Variants in ZNF385B observed in about 807,000 individuals in gnomAD.
The protein encoded by ZNF385B is zinc finger protein 385B.
ZNF385B carries 23 observed loss-of-function variants against 39.2 expected under a neutral mutation model. That is an observed-to-expected ratio of 0.59 (90% confidence interval 0.42 to 0.83). The LOEUF (loss-of-function observed/expected upper bound fraction) is 0.83, where lower values mean the gene tolerates loss of function less well. ZNF385B is among the 40% of genes least tolerant of loss of function. The pLI is 0.00. For synonymous variants in ZNF385B, 205 were observed against 222.6 expected, an observed-to-expected ratio of 0.92 and a Z score of 0.70; for missense variants, 552 against 598.9, an observed-to-expected ratio of 0.92 and a Z score of 0.82.
At chr2:179,692,205 G>A (rs1283395822) in intron 3 of ZNF385B, among the ~76,000 whole-genome samples, 2 of 152,076 alleles carry the variant, frequency 1.3e-5, no homozygotes, top group African/African-American at 2.4e-5. Context: ...ATCTCCAAGT[G>A]CTGAAGGGGT....
intron 1 of ZNF385B, among the ~76,000 whole-genome samples, chr2:179,804,536 A>C (rs1016092799): frequency 2.0e-5 from 3 of 152,190 alleles, no homozygotes; most frequent in Non-Finnish European, 4.4e-5. Flanking sequence ...CCTGTGTTCA[A>C]ATTTAACTCT....
chr2:179,448,667 T>C (rs186175230), intron 6 of ZNF385B, among the ~76,000 whole-genome samples: 11 of 152,268 alleles, frequency 7.2e-5, no homozygotes, highest in Non-Finnish European at 1.6e-4. Flanking sequence ...ATCTTAAAGA[T>C]GAGGAAACTG....
At chr2:179,839,805 G>T (rs1276282002) in intron 1 of ZNF385B, among the ~76,000 whole-genome samples, 1 of 152,148 alleles carries the variant, frequency 6.6e-6, no homozygotes, top group Non-Finnish European at 1.5e-5. Context: ...ACTCAAACCT[G>T]GAGAAGAGAA....
intron 1 of ZNF385B, among the ~76,000 whole-genome samples, chr2:179,837,738 TA>T: frequency 6.6e-6 from 1 of 152,354 alleles, no homozygotes; most frequent in South Asian, 2.1e-4. Flanking sequence ...CTCATTATCT[TA>T]CTTAGACACA....
intron 3 of ZNF385B, among the ~76,000 whole-genome samples, chr2:179,700,972 C>T (rs1358969559): frequency 6.6e-6 from 1 of 152,120 alleles, no homozygotes; most frequent in Non-Finnish European, 1.5e-5. Context: ...GAGATCGTGC[C>T]ACTGCACTCC....
chr2:179,781,492 T>G (rs370376727), intron 1 of ZNF385B, among the ~76,000 whole-genome samples: 5 of 152,276 alleles, frequency 3.3e-5, no homozygotes, highest in African/African-American at 1.2e-4. Context: ...TCACTGTATG[T>G]CAATTCCAGA....
chr2:179,540,493 C>A (rs866126269), intron 4 of ZNF385B, among the ~76,000 whole-genome samples: 5 of 151,506 alleles, frequency 3.3e-5, no homozygotes, highest in African/African-American at 7.3e-5. Flanking sequence ...ACAACAACAA[C>A]AACAAAAAAA....
At chr2:179,702,088 A>G (rs1699250640) in intron 3 of ZNF385B, among the ~76,000 whole-genome samples, 1 of 152,184 alleles carries the variant, frequency 6.6e-6, no homozygotes, top group Non-Finnish European at 1.5e-5. Flanking sequence ...TCCTTGAATT[A>G]AGATGTATAC....
intron 3 of ZNF385B, among the ~76,000 whole-genome samples, chr2:179,722,129 A>C (rs1700733766): frequency 6.6e-6 from 1 of 152,148 alleles, no homozygotes; most frequent in African/African-American, 2.4e-5. Flanking sequence ...CATGTAAAAT[A>C]CCTAGAAGTA....
chr2:179,784,375 T>G (rs917680791), intron 1 of ZNF385B, among the ~76,000 whole-genome samples: 1 of 152,000 alleles, frequency 6.6e-6, no homozygotes, highest in Non-Finnish European at 1.5e-5. Flanking sequence ...GTACTGGGTT[T>G]AATACATGAG....
At chr2:179,759,443 G>T (rs901161651) in intron 3 of ZNF385B, among the ~76,000 whole-genome samples, 1 of 152,096 alleles carries the variant, frequency 6.6e-6, no homozygotes, top group Non-Finnish European at 1.5e-5. Context: ...CTGTACCTCT[G>T]TTCCCATAGG....
rs1314695102 is a variant in ZNF385B, at chr2:179,483,191, C to A, written c.715+81G>T. 23 of 1,507,222 alleles carry A rather than the reference C, an allele frequency of 1.5e-5. No individual in the cohort carries two copies. The East Asian group carries it at 5.1e-4, about 33-fold the overall frequency. The allele number at this position is 1,507,222 out of a possible 1,614,324, so 93.4% of individuals were successfully genotyped here. A position where few individuals can be genotyped will look rare whatever the true frequency, so the allele number is the denominator to read the frequency against. ...ACAAATCATGGAGAGTAACATGCAACAACTGAGGGCAGGAAAACGGGGTCA... is the reference window on the plus strand; with the variant it reads ...ACAAATCATGGAGAGTAACATGCAAAAACTGAGGGCAGGAAAACGGGGTCA... On this transcript the variant is annotated intron_variant, in intron 6 of 9. Transcript: ENST00000410066.
At chr2:179,595,797 C>A (rs1046092761) in intron 3 of ZNF385B, among the ~76,000 whole-genome samples, 2 of 151,004 alleles carry the variant, frequency 1.3e-5, no homozygotes, top group Admixed American at 1.3e-4. Flanking sequence ...CACGTTATCG[C>A]ACCATTGCGC....
intron 3 of ZNF385B, among the ~76,000 whole-genome samples, chr2:179,747,738 C>T (rs778922697): frequency 1.3e-5 from 2 of 152,016 alleles, no homozygotes; most frequent in African/African-American, 4.8e-5. Flanking sequence ...AGAATTCAAA[C>T]GTTTTCAGAT....
At chr2:179,747,059 C>T (rs75406444) in intron 3 of ZNF385B, among the ~76,000 whole-genome samples, 1 of 152,162 alleles carries the variant, frequency 6.6e-6, no homozygotes, top group East Asian at 1.9e-4. Flanking sequence ...AAACTAGAAT[C>T]CAGTAAAGGC....
chr2:179,661,348 T>C (rs1258873628), intron 3 of ZNF385B, among the ~76,000 whole-genome samples: 1 of 152,210 alleles, frequency 6.6e-6, no homozygotes, highest in East Asian at 1.9e-4. Context: ...ATCAAATATA[T>C]GTATATTCCC....
intron 1 of ZNF385B, among the ~76,000 whole-genome samples, chr2:179,805,049 C>A (rs575695302): frequency 1.3e-5 from 2 of 152,284 alleles, no homozygotes; most frequent in East Asian, 3.9e-4. Flanking sequence ...GGCCTTGGGA[C>A]TGGCTTGGAC....
intron 3 of ZNF385B, among the ~76,000 whole-genome samples, chr2:179,628,839 T>G (rs1034218670): frequency 2.0e-5 from 3 of 152,224 alleles, no homozygotes; most frequent in African/African-American, 7.2e-5. Flanking sequence ...AATTACAGTT[T>G]GTACAGGAAC....
chr2:179,722,977 G>C (rs1374967514), intron 3 of ZNF385B, among the ~76,000 whole-genome samples: 2 of 152,128 alleles, frequency 1.3e-5, no homozygotes, highest in African/African-American at 4.8e-5. Flanking sequence ...TTAGTTACCA[G>C]GGATATGCAA....
Sources: gnomAD v4.1 joint callset for allele counts (sites outside exome capture counted in the v4.1 genomes callset) on GRCh38, gnomAD v4.1.1 for gene constraint, MANE v1.5 for transcripts, NCBI Gene and HGNC (gene_info 2026-07-23, HGNC 2026-07-21) for gene names.